CLXN: variants seen among roughly 807,000 people sequenced by gnomAD.
The protein encoded by CLXN is EF-hand calcium binding domain 1.
the CLXN span, chr8:48,735,027 TA>T: frequency 6.3e-7 from 1 of 1,576,076 alleles, no homozygotes; most frequent in South Asian, 1.1e-5. Flanking sequence ...CAGCGGACCT[TA>T]GCACGGGGTG....
chr8:48,719,674 A>G, the CLXN span, among the ~76,000 whole-genome samples: 1 of 152,254 alleles, frequency 6.6e-6, no homozygotes, highest in South Asian at 2.1e-4. Flanking sequence ...CCTCACTATC[A>G]TCTCAACAGA....
the CLXN span, chr8:48,723,751 C>A: frequency 2.6e-5 from 4 of 152,268 alleles, no homozygotes; most frequent in Non-Finnish European, 5.9e-5. Context: ...ACAGTTAGGT[C>A]GTGCCCTGAT....
At chr8:48,730,720 C>G in the CLXN span, 1 of 775,630 alleles carries the variant, frequency 1.3e-6, no homozygotes, top group Non-Finnish European at 2.0e-6. Context: ...TGGCATCACT[C>G]ACTTTTAAAA....
the CLXN span, among the ~76,000 whole-genome samples, chr8:48,713,388 C>A: frequency 1.3e-5 from 2 of 152,072 alleles, no homozygotes; most frequent in South Asian, 2.1e-4. Context: ...AACGACTGGG[C>A]GAGCGTCAGA....
At chr8:48,732,054 G>A in the CLXN span, among the ~76,000 whole-genome samples, 5 of 152,166 alleles carry the variant, frequency 3.3e-5, no homozygotes, top group Admixed American at 1.3e-4. Flanking sequence ...TGAGGATTAC[G>A]TAAAAATTAA....
chr8:48,729,054 A>T, the CLXN span: 1 of 1,610,566 alleles, frequency 6.2e-7, no homozygotes, highest in South Asian at 1.1e-5. Flanking sequence ...TTGGATCAGG[A>T]AGACATGGCC....
the CLXN span, among the ~76,000 whole-genome samples, chr8:48,712,824 C>G: frequency 6.6e-6 from 1 of 151,900 alleles, no homozygotes; most frequent in African/African-American, 2.4e-5. Flanking sequence ...CATGGTGAAA[C>G]CCTGCCTCTA....
At chr8:48,721,459 C>T in the CLXN span, among the ~76,000 whole-genome samples, 1 of 151,996 alleles carries the variant, frequency 6.6e-6, no homozygotes, top group Non-Finnish European at 1.5e-5. Context: ...AAAAATAATC[C>T]TAAAATTCAT....
chr8:48,719,665 C>T, the CLXN span, among the ~76,000 whole-genome samples: 1 of 152,114 alleles, frequency 6.6e-6, no homozygotes, highest in Admixed American at 6.5e-5. Flanking sequence ...GGAAAGTAAC[C>T]TCACTATCAT....
the CLXN span, chr8:48,715,144 T>A: frequency 6.6e-6 from 1 of 152,254 alleles, no homozygotes; most frequent in African/African-American, 2.4e-5. Context: ...GAAGGATTTA[T>A]ACCAGAATAT....
At chr8:48,712,251 GTCC>G in the CLXN span, 1 of 152,394 alleles carries the variant, frequency 6.6e-6, no homozygotes, top group South Asian at 2.1e-4. Flanking sequence ...AAGTGGTGGT[GTCC>G]TCCCTCAGGG....
the CLXN span, chr8:48,729,087 C>A: frequency 6.2e-7 from 1 of 1,613,550 alleles, no homozygotes; most frequent in South Asian, 1.1e-5. Flanking sequence ...GTAGAAGAGT[C>A]TCTTCTCTCA....
the CLXN span, among the ~76,000 whole-genome samples, chr8:48,716,983 T>C: frequency 1.3e-5 from 2 of 152,112 alleles, no homozygotes; most frequent in African/African-American, 4.8e-5. Context: ...CTGACCAATA[T>C]GGAGAAACCC....
the CLXN span, among the ~76,000 whole-genome samples, chr8:48,721,637 A>T: frequency 6.6e-6 from 1 of 152,226 alleles, no homozygotes; most frequent in East Asian, 1.9e-4. Context: ...ACAGGCCTAA[A>T]ATAAATCCAA....
chr8:48,730,173 G>A, the CLXN span: 14 of 315,240 alleles, frequency 4.4e-5, 1 homozygote, highest in South Asian at 1.2e-3. Flanking sequence ...AATTAATTGA[G>A]AGTTAATTAA....
chr8:48,713,542 C>G, the CLXN span: 24 of 152,098 alleles, frequency 1.6e-4, no homozygotes. Context: ...CTTTAACAAC[C>G]TTCTTTAATA....
At chr8:48,725,537 C>T in the CLXN span, among the ~76,000 whole-genome samples, 1 of 152,160 alleles carries the variant, frequency 6.6e-6, no homozygotes, top group Non-Finnish European at 1.5e-5. Context: ...GGCATGGTGG[C>T]TCATGCCTGT....
At chr8:48,712,112 C>T in the CLXN span, 1 of 152,186 alleles carries the variant, frequency 6.6e-6, no homozygotes, top group African/African-American at 2.4e-5. Context: ...CCAGACTTCC[C>T]AGTGCTTTTG....
At chr8:48,735,235 G>A in the CLXN span, 6 of 1,508,378 alleles carry the variant, frequency 4.0e-6, no homozygotes, top group Non-Finnish European at 5.5e-6. Flanking sequence ...CGCGAGCCCT[G>A]GTGCTGGGTC....
Sources: gnomAD v4.1 joint callset for allele counts (sites outside exome capture counted in the v4.1 genomes callset) on GRCh38, gnomAD v4.1.1 for gene constraint, MANE v1.5 for transcripts, NCBI Gene and HGNC (gene_info 2026-07-23, HGNC 2026-07-21) for gene names.